Variants in NCF2 observed in about 807,000 individuals in gnomAD.
The protein encoded by NCF2 is neutrophil cytosol factor 2.
A neutral mutation model predicts 70.9 loss-of-function variants in NCF2; 45 were observed. That is an observed-to-expected ratio of 0.63 (90% CI 0.50 to 0.81). NCF2 has a LOEUF of 0.81. NCF2 is among the 40% of genes least tolerant of loss of function. The probability of loss-of-function intolerance (pLI) is 0.00; values close to 1 mark genes in which losing one functional copy is unlikely to be tolerated. For missense variants in NCF2, 522 were observed against 631.6 expected (o/e 0.83, Z 1.86); for synonymous variants, 203 against 233.6 (o/e 0.87, Z 1.19).
intron 13 of NCF2, among the ~76,000 whole-genome samples, chr1:183,561,444 C>G (rs1672043886): frequency 6.6e-6 from 1 of 152,088 alleles, no homozygotes; most frequent in African/African-American, 2.4e-5. Flanking sequence ...CCTCAGTTAC[C>G]TCACCTGAAA....
chr1:183,563,810 G>T, intron 11 of NCF2, 195 bp downstream of exon 11: 1 of 818,094 alleles, frequency 1.2e-6, no homozygotes, highest in Non-Finnish European at 2.1e-6. Flanking sequence ...CCACTAGCTT[G>T]GGTAGTAGGA....
chr1:183,560,553 T>C (rs901510879), intron 13 of NCF2, among the ~76,000 whole-genome samples: 1 of 152,128 alleles, frequency 6.6e-6, no homozygotes, highest in African/African-American at 2.4e-5. Context: ...AGGATAAAAT[T>C]GTTCCACCTC....
chr1:183,577,828 C>T (rs1357172902), intron 2 of NCF2, 121 bp from the exon 3 acceptor site: 2 of 764,546 alleles, frequency 2.6e-6, no homozygotes, highest in Admixed American at 4.0e-5. Context: ...CTTTCAGTTC[C>T]TTTTGACCTG....
At chr1:183,573,346 T>G in intron 4 of NCF2, 54 bp from the exon 5 acceptor site, 1 of 1,476,056 alleles carries the variant, frequency 6.8e-7, no homozygotes, top group East Asian at 2.3e-5. Flanking sequence ...GTGACGATGC[T>G]TGTCCTGCCT....
upstream of NCF2, among the ~76,000 whole-genome samples, chr1:183,591,367 T>C (rs1359664609): frequency 1.3e-5 from 2 of 152,244 alleles, no homozygotes; most frequent in Non-Finnish European, 2.9e-5. Context: ...CACTTTTTTG[T>C]AATCCCATAG....
chr1:183,592,780 C>T (rs1184355227), upstream of NCF2, among the ~76,000 whole-genome samples: 1 of 152,192 alleles, frequency 6.6e-6, no homozygotes, highest in African/African-American at 2.4e-5. Flanking sequence ...TCAGAACTCT[C>T]CTTAATCTGA....
the NCF2 span, among the ~76,000 whole-genome samples, chr1:183,600,660 T>C: frequency 6.6e-6 from 1 of 152,152 alleles, no homozygotes; most frequent in Admixed American, 6.5e-5. Flanking sequence ...CAGACATGGC[T>C]TGCACATTCT....
At chr1:183,572,703 A>G (rs943992504) in intron 5 of NCF2, among the ~76,000 whole-genome samples, 6 of 152,138 alleles carry the variant, frequency 3.9e-5, no homozygotes. Flanking sequence ...ACAGTGGTGC[A>G]ATCATAGCTC....
At chr1:183,585,571 G>A (rs1326556524) in intron 2 of NCF2, among the ~76,000 whole-genome samples, 1 of 147,972 alleles carries the variant, frequency 6.8e-6, no homozygotes, top group African/African-American at 2.6e-5. Context: ...GTTGCAGTGA[G>A]CCGAGATCGC....
At chr1:183,557,171 T>G (rs1671828315) in intron 14 of NCF2, among the ~76,000 whole-genome samples, 1 of 152,244 alleles carries the variant, frequency 6.6e-6, no homozygotes, top group African/African-American at 2.4e-5. Context: ...TTCAGAGCCA[T>G]TCTGCCAGTA....
At position 183,555,615 on chromosome 1, in the gene NCF2, A is replaced by AGGT. The variant is rs1398230969; in HGVS notation, c.*500_*502dup. On this transcript the variant is annotated 3_prime_UTR_variant, in exon 15 of 15. Coordinates refer to ENST00000367535, the MANE Select transcript of NCF2 (RefSeq NM_000433.4). Reference sequence around the variant, plus strand: ...GTATATGCCTTATGAGTAACCTATAAGGTTACTTCAAGCCTTAAGAGCCAA... The same window carrying AGGT: ...GTATATGCCTTATGAGTAACCTATAAGGTGGTTACTTCAAGCCTTAAGAGCCAA... 5.9e-6 allele frequency: 1 copy of AGGT among 170,008 alleles called. No individual in the cohort carries two copies. Among genetic ancestry groups the AGGT allele is most frequent in the African/African-American group, 2.4e-5 (1 of 41,708 alleles). The allele number at this position is 170,008 out of a possible 1,614,324, so 10.5% of individuals were successfully genotyped here.
the NCF2 span, among the ~76,000 whole-genome samples, chr1:183,599,440 TTCTTTCTTTCTTTC>T: frequency 2.0e-5 from 2 of 99,162 alleles, no homozygotes; most frequent in Admixed American, 1.2e-4. Flanking sequence ...CTTTCTTTCT[TTCTTTCTTTCTTTC>T]TTTCTTTCTT....
At chr1:183,573,355 C>T in intron 4 of NCF2, 63 bp from the exon 5 acceptor site, 1 of 1,411,634 alleles carries the variant, frequency 7.1e-7, no homozygotes, top group South Asian at 1.2e-5. Flanking sequence ...CTTGTCCTGC[C>T]TCCCTCAGTG....
intron 10 of NCF2, 164 bp from the exon 11 acceptor site, chr1:183,564,194 C>G: frequency 1.3e-6 from 1 of 746,804 alleles, no homozygotes; most frequent in African/African-American, 1.7e-5. Context: ...GGGAAAATCT[C>G]GCCCTGGGGA....
chr1:183,556,509 C>T (rs564804545), intron 14 of NCF2, among the ~76,000 whole-genome samples: 34 of 152,268 alleles, frequency 2.2e-4, no homozygotes, highest in South Asian at 2.1e-3. Context: ...AATTGAACAA[C>T]GAATCCTTAA....
the NCF2 span, among the ~76,000 whole-genome samples, chr1:183,599,483 T>TTTC: frequency 1.4e-3 from 98 of 72,230 alleles, no homozygotes; most frequent in Admixed American, 4.7e-3. Flanking sequence ...TCTTTCTTTC[T>TTTC]CTTTTCTTTC....
chr1:183,591,255 A>C (rs2102943866), upstream of NCF2, among the ~76,000 whole-genome samples: 1 of 152,370 alleles, frequency 6.6e-6, no homozygotes, highest in African/African-American at 2.4e-5. Context: ...AAAGTGATGG[A>C]GAAAAAATCC....
intron 1 of NCF2, among the ~76,000 whole-genome samples, chr1:183,589,073 C>T (rs1450085265): frequency 6.6e-6 from 1 of 152,236 alleles, no homozygotes; most frequent in Non-Finnish European, 1.5e-5. Flanking sequence ...CTGCCATGCT[C>T]TGCCTTAGAG....
upstream of NCF2, among the ~76,000 whole-genome samples, chr1:183,591,414 A>AT (rs1433344102): frequency 6.6e-6 from 1 of 152,010 alleles, no homozygotes; most frequent in Non-Finnish European, 1.5e-5. Flanking sequence ...TTGAGCTGAA[A>AT]TTATCATTAA....
Sources: gnomAD v4.1 joint callset for allele counts (sites outside exome capture counted in the v4.1 genomes callset) on GRCh38, gnomAD v4.1.1 for gene constraint, MANE v1.5 for transcripts, NCBI Gene and HGNC (gene_info 2026-07-23, HGNC 2026-07-21) for gene names.